DOCK4: variants seen among roughly 807,000 people sequenced by gnomAD.
DOCK4 encodes dedicator of cytokinesis protein 4.
A neutral mutation model predicts 268.1 loss-of-function variants in DOCK4; 97 were observed. That is an observed-to-expected ratio of 0.36 (90% CI 0.31 to 0.43). The LOEUF (loss-of-function observed/expected upper bound fraction) is 0.43. DOCK4 is among the 20% of genes least tolerant of loss of function. The pLI, the probability that DOCK4 is intolerant of heterozygous loss-of-function variation, is 1.00. For synonymous variants in DOCK4, 954 were observed against 887.2 expected, an observed-to-expected ratio of 1.08 and a Z score of -1.34; for missense variants, 2,145 against 2,455.7, an observed-to-expected ratio of 0.87 and a Z score of 2.67.
chr7:112,047,298 G>A (rs569908837), intron 1 of DOCK4, among the ~76,000 whole-genome samples: 33 of 152,206 alleles, frequency 2.2e-4, no homozygotes, highest in African/African-American at 7.9e-4. Flanking sequence ...CAAAATATTC[G>A]CTACCTAAAC....
intron 7 of DOCK4, among the ~76,000 whole-genome samples, chr7:111,982,681 C>T (rs1798696441): frequency 1.3e-5 from 2 of 152,154 alleles, no homozygotes; most frequent in South Asian, 4.1e-4. Context: ...AGCCAATAAT[C>T]CAGTCTTTTC....
intron 1 of DOCK4, among the ~76,000 whole-genome samples, chr7:112,128,477 G>T (rs1261017881): frequency 2.6e-5 from 4 of 152,228 alleles, no homozygotes; most frequent in African/African-American, 9.6e-5. Context: ...GAATAGAAAG[G>T]GGGGAAAGGT....
chr7:112,066,899 C>G (rs1807116699), intron 1 of DOCK4, among the ~76,000 whole-genome samples: 1 of 150,368 alleles, frequency 6.7e-6, no homozygotes, highest in South Asian at 2.1e-4. Flanking sequence ...AATCCCAGCA[C>G]TTTGGGAAGC....
rs757145965 is a variant in DOCK4 at position 111,765,142 on chromosome 7, T to G, written c.3996A>C (p.Gly1332=). 1.8e-5 allele frequency: 27 copies of G among 1,532,778 alleles called. No individual in the cohort carries two copies. In the South Asian group the frequency reaches 3.2e-4, roughly 18 times the overall value. The allele number at this position is 1,532,778 out of a possible 1,614,324, so 94.9% of individuals were successfully genotyped here. ...CTCTTAAGAAAAATGGAAATTTTTT[T>G]CCATAAAATCCAACTCTGAAGAACT... is the stretch of plus-strand genomic sequence containing the variant. The part of the protein sequence containing the change: ...EPEFFRVGFY[G]KKFPFFLRNK... The change falls in exon 39 of 53, where the codon GGA becomes GGC. Residue 1332 remains glycine (G), a synonymous_variant. Transcript: ENST00000428084.
intron 6 of DOCK4, among the ~76,000 whole-genome samples, chr7:111,988,209 T>A (rs1470837402): frequency 6.6e-6 from 1 of 152,160 alleles, no homozygotes; most frequent in African/African-American, 2.4e-5. Flanking sequence ...AAATGGGGAT[T>A]TGGAGAAAGG....
chr7:111,824,415 T>A (rs1802241146), intron 26 of DOCK4, among the ~76,000 whole-genome samples: 1 of 152,138 alleles, frequency 6.6e-6, no homozygotes, highest in African/African-American at 2.4e-5. Flanking sequence ...GATGTGAAAG[T>A]CATGAGAGTG....
At chr7:111,802,658 A>T (rs1381199566) in intron 30 of DOCK4, among the ~76,000 whole-genome samples, 3 of 152,168 alleles carry the variant, frequency 2.0e-5, no homozygotes, top group Non-Finnish European at 2.9e-5. Context: ...ATTAGCATGC[A>T]CTTGCTTGAG....
intron 1 of DOCK4, among the ~76,000 whole-genome samples, chr7:112,027,229 C>T (rs1255076355): frequency 2.6e-5 from 4 of 151,898 alleles, no homozygotes; most frequent in African/African-American, 9.7e-5. Flanking sequence ...TGTTTTGTTT[C>T]CTTGTTTGTT....
chr7:111,745,120 CAGT>C (rs1796177489), intron 44 of DOCK4, among the ~76,000 whole-genome samples: 1 of 152,180 alleles, frequency 6.6e-6, no homozygotes, highest in African/African-American at 2.4e-5. Context: ...AATAGGGACA[CAGT>C]AGGCAACAGA....
intron 1 of DOCK4, among the ~76,000 whole-genome samples, chr7:112,092,987 C>A (rs1421015093): frequency 6.6e-6 from 1 of 152,066 alleles, no homozygotes; most frequent in Non-Finnish European, 1.5e-5. Context: ...AATCAAACTT[C>A]AGTTTATCAA....
rs560389517 is a variant in DOCK4, at chr7:111,891,873, T to A, written c.1587+3739A>T. ...ATTTGCATTTATTATTTTTAAATAG[T>A]CTTTGTAGCATTTATCAATTTTTCC... is the stretch of plus-strand genomic sequence containing the variant. On this transcript the variant is annotated intron_variant, in intron 16 of 52. Transcript: ENST00000428084. 1.5e-3 allele frequency among the ~76,000 whole-genome samples: 234 copies of A among 152,340 alleles called. 2 individuals are homozygous for A. The highest frequency in any genetic ancestry group is 5.1e-3 in the African/African-American group (214 of 41,576).
chr7:111,752,950 C>T (rs897982067), intron 42 of DOCK4, among the ~76,000 whole-genome samples: 1 of 135,484 alleles, frequency 7.4e-6, no homozygotes, highest in Admixed American at 8.7e-5. Flanking sequence ...TAATAAACTA[C>T]AGAGGAAACA....
intron 23 of DOCK4, among the ~76,000 whole-genome samples, chr7:111,852,504 G>GAA (rs201775481): frequency 7.7e-4 from 86 of 111,914 alleles, no homozygotes; most frequent in African/African-American, 2.0e-3. Context: ...AAAAGAACCA[G>GAA]AAAAAAAAAA....
chr7:111,969,998 A>G (rs535677922), intron 8 of DOCK4, among the ~76,000 whole-genome samples: 1 of 152,014 alleles, frequency 6.6e-6, no homozygotes, highest in African/African-American at 2.4e-5. Context: ...AGCAAACTCA[A>G]ATCTGTTTCC....
intron 1 of DOCK4, among the ~76,000 whole-genome samples, chr7:112,184,428 G>A (rs746697854): frequency 8.5e-5 from 13 of 152,138 alleles, no homozygotes; most frequent in South Asian, 2.1e-4. Flanking sequence ...TCTCCACCCC[G>A]GCCTCACCCA....
At chr7:111,964,126 C>T (rs1797183284) in intron 8 of DOCK4, among the ~76,000 whole-genome samples, 1 of 148,520 alleles carries the variant, frequency 6.7e-6, no homozygotes, top group Middle Eastern at 3.4e-3. Context: ...AACAGAAAAA[C>T]TGGAAACTCT....
intron 16 of DOCK4, among the ~76,000 whole-genome samples, chr7:111,891,813 G>A (rs187299411): frequency 7.2e-5 from 11 of 152,144 alleles, no homozygotes; most frequent in East Asian, 1.9e-4. Context: ...TAACTTAAAC[G>A]GATTTCTTTA....
At chr7:111,960,367 A>C (rs1461925846) in intron 8 of DOCK4, among the ~76,000 whole-genome samples, 1 of 150,438 alleles carries the variant, frequency 6.6e-6, no homozygotes, top group African/African-American at 2.4e-5. Flanking sequence ...CTGTCTTAAA[A>C]AAAAAAAAAA....
intron 12 of DOCK4, chr7:111,935,295 A>T (rs1290141654): frequency 2.0e-6 from 1 of 508,342 alleles, no homozygotes; most frequent in African/African-American, 2.0e-5. Context: ...ACTTGGTACC[A>T]AAGAACAAAT....
Sources: allele counts gnomAD v4.1 joint callset (sites outside exome capture counted in the v4.1 genomes callset), GRCh38; gene constraint gnomAD v4.1.1; transcripts MANE v1.5; gene names NCBI Gene and HGNC (gene_info 2026-07-23, HGNC 2026-07-21).